The following BANK1 variants were observed in gnomAD, a reference collection of about 807,000 sequenced individuals.
BANK1 encodes the protein B cell scaffold protein with ankyrin repeats 1.
In BANK1, 95 loss-of-function variants were observed where a neutral mutation model predicts 94.5. That is an observed-to-expected ratio of 1.00 (90% CI 0.85 to 1.19). BANK1 has a LOEUF of 1.19. BANK1 is among the 50% of genes most tolerant of loss of function. The pLI is 0.00. For missense variants in BANK1, 987 were observed against 932.2 expected, an observed-to-expected ratio of 1.06 and a Z score of -0.77; for synonymous variants, 334 against 308.4, an observed-to-expected ratio of 1.08 and a Z score of -0.87.
intron 1 of BANK1, among the ~76,000 whole-genome samples, chr4:101,800,712 G>C (rs1385223336): frequency 6.6e-6 from 1 of 152,090 alleles, no homozygotes; most frequent in Non-Finnish European, 1.5e-5. Flanking sequence ...ATAAATTTAG[G>C]CAATTCTTGT....
intron 7 of BANK1, among the ~76,000 whole-genome samples, chr4:101,955,231 A>G (rs1345437471): frequency 6.6e-6 from 1 of 152,196 alleles, no homozygotes; most frequent in Non-Finnish European, 1.5e-5. Context: ...GATACGGTTA[A>G]CATGGGAATA....
intron 16 of BANK1, 62 bp downstream of exon 16, chr4:102,073,810 G>A: frequency 7.7e-7 from 1 of 1,300,234 alleles, no homozygotes; most frequent in Non-Finnish European, 1.1e-6. Context: ...GGGACTTGAA[G>A]GTATCATTTG....
At chr4:101,997,910 A>G (rs1725934565) in intron 7 of BANK1, among the ~76,000 whole-genome samples, 2 of 151,584 alleles carry the variant, frequency 1.3e-5, no homozygotes, top group South Asian at 2.1e-4. Flanking sequence ...TTGTGCCTCT[A>G]TCTCCTTCAG....
At chr4:101,820,985 C>T (rs970233084) in intron 1 of BANK1, among the ~76,000 whole-genome samples, 16 of 151,710 alleles carry the variant, frequency 1.1e-4, no homozygotes, top group African/African-American at 3.4e-4. Context: ...CTGGGTGGGT[C>T]GAATGCCATT....
At chr4:101,910,673 G>A (rs550209086) in intron 6 of BANK1, among the ~76,000 whole-genome samples, 5 of 134,618 alleles carry the variant, frequency 3.7e-5, no homozygotes, top group African/African-American at 1.4e-4. Context: ...CAGCCTGGGC[G>A]ACAGAGCTAG....
chr4:101,990,071 T>C (rs1725651064), intron 7 of BANK1, among the ~76,000 whole-genome samples: 1 of 152,166 alleles, frequency 6.6e-6, no homozygotes, highest in Non-Finnish European at 1.5e-5. Context: ...TCCAATCCAT[T>C]TTGTATTTTT....
At chr4:102,024,743 T>C (rs1278349650) in intron 8 of BANK1, among the ~76,000 whole-genome samples, 1 of 152,120 alleles carries the variant, frequency 6.6e-6, no homozygotes, top group Non-Finnish European at 1.5e-5. Context: ...TCTGTAAAGA[T>C]CAATATATAT....
intron 1 of BANK1, among the ~76,000 whole-genome samples, chr4:101,800,689 A>G (rs766472701): frequency 5.2e-4 from 79 of 152,188 alleles, no homozygotes; most frequent in Non-Finnish European, 1.0e-3. Context: ...ACACATTCAA[A>G]CAGGTTGGTA....
chr4:101,873,622 T>C (rs530535692), intron 5 of BANK1, among the ~76,000 whole-genome samples: 37 of 152,330 alleles, frequency 2.4e-4, no homozygotes, highest in African/African-American at 8.4e-4. Context: ...TATTAGGTTT[T>C]AGAACACTAA....
At chr4:101,969,242 TTTA>T (rs1383996678) in intron 7 of BANK1, among the ~76,000 whole-genome samples, 1 of 152,066 alleles carries the variant, frequency 6.6e-6, no homozygotes, top group African/African-American at 2.4e-5. Flanking sequence ...AGATCTTTTT[TTTA>T]AAAAAATCAA....
intron 7 of BANK1, among the ~76,000 whole-genome samples, chr4:101,970,941 G>A (rs1560659130): frequency 6.6e-6 from 1 of 152,056 alleles, no homozygotes; most frequent in Non-Finnish European, 1.5e-5. Flanking sequence ...TAACTGGCCC[G>A]TTGTTTGTCA....
intron 7 of BANK1, among the ~76,000 whole-genome samples, chr4:102,013,313 C>T (rs915271310): frequency 6.6e-6 from 1 of 152,102 alleles, no homozygotes; most frequent in Non-Finnish European, 1.5e-5. Context: ...ATGAAACACC[C>T]TTCTGAGTCA....
intron 4 of BANK1, among the ~76,000 whole-genome samples, chr4:101,870,185 G>T (rs182367282): frequency 1.3e-5 from 2 of 151,878 alleles, no homozygotes; most frequent in East Asian, 3.9e-4. Context: ...AAATTCTAAA[G>T]AATTATGTAA....
intron 7 of BANK1, among the ~76,000 whole-genome samples, chr4:102,011,407 AC>A (rs1726507744): frequency 6.6e-6 from 1 of 152,236 alleles, no homozygotes; most frequent in South Asian, 2.1e-4. Context: ...TTAAATGCTA[AC>A]CTATCACTTC....
intron 7 of BANK1, among the ~76,000 whole-genome samples, chr4:102,010,885 T>C (rs1346254988): frequency 1.3e-5 from 2 of 152,228 alleles, no homozygotes; most frequent in Non-Finnish European, 2.9e-5. Flanking sequence ...TTCATAACAA[T>C]GTAAAATTGT....
chr4:101,910,980 C>T (rs1222170031), intron 6 of BANK1, among the ~76,000 whole-genome samples: 1 of 152,180 alleles, frequency 6.6e-6, no homozygotes, highest in Non-Finnish European at 1.5e-5. Context: ...GTGCACTACA[C>T]ATAGTACTTA....
chr4:101,936,554 A>G (rs1553934165), intron 7 of BANK1, among the ~76,000 whole-genome samples: 1 of 150,790 alleles, frequency 6.6e-6, no homozygotes, highest in Non-Finnish European at 1.5e-5. Flanking sequence ...ACACGTATAC[A>G]TATATGTATA....
At chr4:101,862,993 G>A (rs1174612674) in intron 4 of BANK1, among the ~76,000 whole-genome samples, 1 of 151,886 alleles carries the variant, frequency 6.6e-6, no homozygotes, top group Non-Finnish European at 1.5e-5. Context: ...GTGACATTTG[G>A]ATTAGCAATT....
chr4:102,033,755 AT>A (rs1195643720), intron 10 of BANK1, among the ~76,000 whole-genome samples: 2 of 151,952 alleles, frequency 1.3e-5, no homozygotes, highest in African/African-American at 4.8e-5. Flanking sequence ...TAGTGCTATA[AT>A]TTTTTTTGGC....
Sources: gnomAD v4.1 joint callset for allele counts (sites outside exome capture counted in the v4.1 genomes callset) on GRCh38, gnomAD v4.1.1 for gene constraint, MANE v1.5 for transcripts, NCBI Gene and HGNC (gene_info 2026-07-23, HGNC 2026-07-21) for gene names.